Variants in TEX14 observed in about 807,000 individuals in gnomAD.
TEX14 encodes testis expressed 14, intercellular bridge forming factor, also known as inactive serine/threonine-protein kinase TEX14.
In TEX14, 168 loss-of-function variants were observed where a neutral mutation model predicts 178.6. That is an observed-to-expected ratio of 0.94 (90% CI 0.83 to 1.07). The LOEUF is 1.07. TEX14 is among the 50% of genes least tolerant of loss of function. The pLI, the probability that TEX14 is intolerant of heterozygous loss-of-function variation, is 0.00. For missense variants in TEX14, 1,730 were observed against 1,753.6 expected, an observed-to-expected ratio of 0.99 and a Z score of 0.24; for synonymous variants, 626 against 634.1, an observed-to-expected ratio of 0.99 and a Z score of 0.19.
intron 1 of TEX14, among the ~76,000 whole-genome samples, chr17:58,666,160 T>C (rs1054279654): frequency 1.3e-5 from 2 of 151,652 alleles, no homozygotes; most frequent in African/African-American, 4.8e-5. Flanking sequence ...CTTGCCAACA[T>C]GGTAAGACGC....
At chr17:58,650,887 T>C (rs2046826137) in intron 2 of TEX14, among the ~76,000 whole-genome samples, 1 of 152,228 alleles carries the variant, frequency 6.6e-6, no homozygotes, top group South Asian at 2.1e-4. Flanking sequence ...CAGGTCACCC[T>C]GACTATTCCA....
At chr17:58,561,378 A>C in intron 29 of TEX14, 142 bp downstream of exon 29, 1 of 638,014 alleles carries the variant, frequency 1.6e-6, no homozygotes, top group Non-Finnish European at 2.8e-6. Flanking sequence ...AGGGGCAAAT[A>C]TGAGTGCAGA....
At chr17:58,598,213 C>T (rs2045336357) in intron 14 of TEX14, among the ~76,000 whole-genome samples, 1 of 151,636 alleles carries the variant, frequency 6.6e-6, no homozygotes, top group African/African-American at 2.4e-5. Flanking sequence ...GCTAGGGAGG[C>T]TGAGGCAGGA....
chr17:58,559,111 G>A (rs970231605), intron 30 of TEX14, among the ~76,000 whole-genome samples: 6 of 151,994 alleles, frequency 3.9e-5, no homozygotes, highest in Non-Finnish European at 4.4e-5. Flanking sequence ...CAGAGGTTGC[G>A]ATGAGCCGAG....
At chr17:58,596,624 C>A (rs1395765319) in intron 14 of TEX14, among the ~76,000 whole-genome samples, 4 of 151,912 alleles carry the variant, frequency 2.6e-5, no homozygotes, top group Non-Finnish European at 2.9e-5. Context: ...GTGGCTCTTG[C>A]CTGTAATCCC....
intron 2 of TEX14, among the ~76,000 whole-genome samples, chr17:58,642,641 C>T (rs1394002478): frequency 1.3e-5 from 2 of 151,988 alleles, no homozygotes; most frequent in Non-Finnish European, 2.9e-5. Context: ...GATTCTCCTG[C>T]CTCAGCCTCC....
chr17:58,652,157 C>A (rs1263704475), intron 1 of TEX14, among the ~76,000 whole-genome samples, 155 bp from the exon 2 acceptor site: 1 of 152,096 alleles, frequency 6.6e-6, no homozygotes, highest in Non-Finnish European at 1.5e-5. Flanking sequence ...TAATGTTTTT[C>A]CTCAGTGTTA....
chr17:58,604,049 T>G (rs2144490490), intron 11 of TEX14, among the ~76,000 whole-genome samples: 1 of 151,956 alleles, frequency 6.6e-6, no homozygotes, highest in South Asian at 2.1e-4. Flanking sequence ...GTGACACTGT[T>G]TATACATCTA....
At chr17:58,623,473 C>G (rs960382523) in intron 3 of TEX14, among the ~76,000 whole-genome samples, 1 of 152,048 alleles carries the variant, frequency 6.6e-6, no homozygotes, top group African/African-American at 2.4e-5. Context: ...CCACAGCCCC[C>G]CAAGAAAATC....
At chr17:58,613,139 T>A (rs978378994) in intron 9 of TEX14, among the ~76,000 whole-genome samples, 2 of 151,552 alleles carry the variant, frequency 1.3e-5, no homozygotes, top group African/African-American at 4.9e-5. Context: ...GAGGTAGAGG[T>A]TGCAGTAAGC....
At chr17:58,582,894 C>T (rs536778673) in intron 19 of TEX14, among the ~76,000 whole-genome samples, 9 of 151,808 alleles carry the variant, frequency 5.9e-5, no homozygotes, top group Non-Finnish European at 1.2e-4. Context: ...ATCTCTGCTC[C>T]ACCCCTTTTT....
intron 10 of TEX14, 49 bp from the exon 11 acceptor site, chr17:58,605,178 TATTC>T (rs112721240): frequency 3.6e-5 from 57 of 1,570,550 alleles, no homozygotes; most frequent in East Asian, 6.9e-5. Flanking sequence ...AAGGGTCTTT[TATTC>T]ATTCATTCAT....
At chr17:58,596,572 T>C (rs1287213028) in intron 14 of TEX14, among the ~76,000 whole-genome samples, 1 of 152,112 alleles carries the variant, frequency 6.6e-6, no homozygotes, top group Non-Finnish European at 1.5e-5. Context: ...TGCACCTGGC[T>C]GTGTCTTCTC....
intron 11 of TEX14, 97 bp downstream of exon 11, chr17:58,604,881 G>A (rs2144493226): frequency 7.3e-7 from 1 of 1,375,526 alleles, no homozygotes; most frequent in South Asian, 1.3e-5. Context: ...TTTTTAATAA[G>A]TCTTCTATTT....
rs1159157478 is a variant in TEX14 at position 58,684,340 on chromosome 17, T to C, written c.-2+7599A>G. ...AGTGAGGCATGGTGGTGGGTGCCTG[T>C]AATCCCAGCTATCTGGGAGGCTGAT... On this transcript the variant is annotated intron_variant, in intron 1 of 31. Transcript: ENST00000349033. Among the ~76,000 whole-genome samples, 4 of 151,694 alleles carry C rather than the reference T, an allele frequency of 2.6e-5. No homozygotes were observed. In the Admixed American group the frequency reaches 2.6e-4, roughly 10 times the overall value.
In TEX14 at chr17:58,607,791, C is replaced by T. The variant is rs188988237; in HGVS notation, c.1185-2662G>A. Among the ~76,000 whole-genome samples the T allele has an allele frequency of 2.3e-3, 350 of 152,328 alleles. 6 individuals are homozygous for T. The highest frequency in any genetic ancestry group is 2.4e-4 in the Non-Finnish European group (16 of 68,036). On this transcript the variant is annotated intron_variant, in intron 10 of 31. Coordinates refer to ENST00000349033, the MANE Select transcript of TEX14 (RefSeq NM_031272.5). ...CCAGAGAGGTCAACCCTGCTCTGAACCATTTTAAGTTTTTCCTTCAACTAG... is the reference window on the plus strand; with the variant it reads ...CCAGAGAGGTCAACCCTGCTCTGAATCATTTTAAGTTTTTCCTTCAACTAG...
At chr17:58,660,558 C>T in intron 1 of TEX14, 1 of 779,490 alleles carries the variant, frequency 1.3e-6, no homozygotes, top group Middle Eastern at 2.3e-4. Context: ...CCCTGCAGTC[C>T]TGCGGTGTTG....
In TEX14 at chr17:58,569,056, G is replaced by T. The variant is rs1162199161; in HGVS notation, c.3886+136C>A. On this transcript the variant is annotated intron_variant, in intron 26 of 31. Coordinates refer to ENST00000349033, the MANE Select transcript of TEX14 (RefSeq NM_031272.5). The surrounding 1 kb of genome is among the most constrained non-coding windows in gnomAD (Gnocchi z 4.1). ...GCCCCTTCCTAAATTTTGGAAAACT[G>T]CCCCTTCCTATATTCAACCAGGCCA... is the stretch of plus-strand genomic sequence containing the variant. 1 of 645,938 alleles carries T rather than the reference G, an allele frequency of 1.5e-6. No individual in the cohort carries two copies. Among genetic ancestry groups the T allele is most frequent in the Non-Finnish European group, 2.5e-6 (1 of 407,140 alleles). The allele number at this position is 645,938 out of a possible 1,614,324, so 40.0% of individuals were successfully genotyped here.
At chr17:58,562,407 T>A (rs2044290694) in intron 28 of TEX14, among the ~76,000 whole-genome samples, 1 of 152,246 alleles carries the variant, frequency 6.6e-6, no homozygotes, top group South Asian at 2.1e-4. Context: ...TGACTGAGCA[T>A]CTGTGGGGCA....
Sources: allele counts gnomAD v4.1 joint callset (sites outside exome capture counted in the v4.1 genomes callset), GRCh38; gene constraint gnomAD v4.1.1; non-coding constraint Gnocchi (gnomAD v3.1); transcripts MANE v1.5; gene names NCBI Gene and HGNC (gene_info 2026-07-23, HGNC 2026-07-21).